The following RBPMS variants were observed in gnomAD, a reference collection of about 807,000 sequenced individuals.
The protein encoded by RBPMS is RNA binding protein, mRNA processing factor.
Under a neutral mutation model 26.8 loss-of-function variants are expected in RBPMS, and 7 were observed. The observed-to-expected ratio is 0.26, with a 90% CI of 0.15 to 0.49. The LOEUF (loss-of-function observed/expected upper bound fraction) is 0.49, where lower values mean the gene tolerates loss of function less well. Ranked by LOEUF, RBPMS falls within the 20% of genes least tolerant of loss-of-function variation. The pLI is 0.98. For synonymous variants in RBPMS, 96 were observed against 93.3 expected (o/e 1.03, Z -0.17); for missense variants, 186 against 250.0 (o/e 0.74, Z 1.73).
intron 1 of RBPMS, among the ~76,000 whole-genome samples, chr8:30,419,451 TGTGTGTGTG>T (rs1810493109): frequency 1.2e-4 from 1 of 8,064 alleles, no homozygotes. Context: ...ATCTCAAAAA[TGTGTGTGTG>T]TGTGTGTGTG....
At chr8:30,511,471 GAAAAAAAAA>G (rs1188894079) in intron 5 of RBPMS, among the ~76,000 whole-genome samples, 130 of 11,172 alleles carry the variant, frequency 0.012, no homozygotes, top group African/African-American at 0.031. Context: ...AACAAAAAAA[GAAAAAAAAA>G]AAAAAAATAT....
intron 1 of RBPMS, among the ~76,000 whole-genome samples, chr8:30,418,023 T>C (rs1810304572): frequency 6.6e-6 from 1 of 152,252 alleles, no homozygotes; most frequent in African/African-American, 2.4e-5. Flanking sequence ...GAACAACTTA[T>C]GTGCTGTTTA....
chr8:30,444,751 T>C (rs1243310738), intron 1 of RBPMS: 1 of 152,222 alleles, frequency 6.6e-6, no homozygotes, highest in East Asian at 1.9e-4. Flanking sequence ...ATGTTCCTCC[T>C]CACTCCATCT....
At chr8:30,514,115 G>C (rs56100334) in intron 5 of RBPMS, among the ~76,000 whole-genome samples, 37,302 of 152,126 alleles carry the variant, frequency 0.25, 4,918 homozygotes, top group East Asian at 0.4. Context: ...TTAGTAAAAA[G>C]TGTGCAGCAG....
intron 1 of RBPMS, among the ~76,000 whole-genome samples, chr8:30,469,873 T>A (rs1359780929): frequency 2.0e-5 from 3 of 152,178 alleles, no homozygotes; most frequent in South Asian, 2.1e-4. Flanking sequence ...GGGGTTTTTT[T>A]AGTTACTTTG....
At chr8:30,533,023 C>T (rs1234881554) in intron 5 of RBPMS, among the ~76,000 whole-genome samples, 1 of 152,204 alleles carries the variant, frequency 6.6e-6, no homozygotes, top group African/African-American at 2.4e-5. Context: ...TGAAGACAAA[C>T]AGTTGTTAAC....
At chr8:30,450,940 C>A (rs1225571097) in intron 1 of RBPMS, among the ~76,000 whole-genome samples, 1 of 152,000 alleles carries the variant, frequency 6.6e-6, no homozygotes, top group Non-Finnish European at 1.5e-5. Flanking sequence ...AAAAATCCTA[C>A]AATGTATATT....
At chr8:30,417,249 T>C (rs1214644903) in intron 1 of RBPMS, among the ~76,000 whole-genome samples, 1 of 152,244 alleles carries the variant, frequency 6.6e-6, no homozygotes, top group Non-Finnish European at 1.5e-5. Context: ...AAACCAAATA[T>C]ATCACGATGA....
intron 5 of RBPMS, among the ~76,000 whole-genome samples, chr8:30,530,646 G>C (rs1824111901): frequency 6.6e-6 from 1 of 152,046 alleles, no homozygotes. Context: ...ATTTTTAGTA[G>C]AGACGGGGTT....
intron 6 of RBPMS, among the ~76,000 whole-genome samples, chr8:30,545,796 C>T (rs536997650): frequency 1.3e-5 from 2 of 152,132 alleles, no homozygotes; most frequent in Non-Finnish European, 2.9e-5. Context: ...ATTGATGACC[C>T]GGCTTCCTGG....
chr8:30,486,611 C>T (rs751058788), intron 4 of RBPMS, among the ~76,000 whole-genome samples: 2 of 150,042 alleles, frequency 1.3e-5, no homozygotes, highest in South Asian at 4.2e-4. Context: ...CCAGCCTGGG[C>T]GATGGAGTGA....
chr8:30,423,824 G>GTTCT (rs1554510204), intron 1 of RBPMS, among the ~76,000 whole-genome samples: 4 of 133,396 alleles, frequency 3.0e-5, no homozygotes, highest in African/African-American at 1.2e-4. Context: ...TGGGTTTTTT[G>GTTCT]TTTTTTTTGT....
In RBPMS at chr8:30,529,429, G is replaced by C. The variant is rs140034562; in HGVS notation, c.398-15065G>C. Reference sequence around the variant, plus strand: ...AGGCAGGAGAATCGCTTGAACCTGGGAGGCGGAGGTTGCAGTGAGCTGAGA... The same window carrying C: ...AGGCAGGAGAATCGCTTGAACCTGGCAGGCGGAGGTTGCAGTGAGCTGAGA... On this transcript the variant is annotated intron_variant, in intron 5 of 8. Transcript: ENST00000397323. Among the ~76,000 whole-genome samples the C allele has an allele frequency of 3.3e-3, 509 of 152,090 alleles. 2 individuals carry two copies. The highest frequency in any genetic ancestry group is 6.5e-3 in the Non-Finnish European group (439 of 67,996).
chr8:30,441,182 CTT>C (rs1167710544), intron 1 of RBPMS, among the ~76,000 whole-genome samples: 1 of 152,138 alleles, frequency 6.6e-6, no homozygotes, highest in African/African-American at 2.4e-5. Flanking sequence ...GATGAAATAA[CTT>C]TGAGCACCTG....
chr8:30,431,094 G>C (rs1342451066), intron 1 of RBPMS, among the ~76,000 whole-genome samples: 2 of 152,158 alleles, frequency 1.3e-5, no homozygotes, highest in Non-Finnish European at 2.9e-5. Flanking sequence ...GGAAGATGTG[G>C]GGTTGCAGTG....
intron 4 of RBPMS, among the ~76,000 whole-genome samples, chr8:30,488,758 G>A (rs1447415207): frequency 6.6e-6 from 1 of 152,170 alleles, no homozygotes; most frequent in African/African-American, 2.4e-5. Context: ...TGATGTTAGG[G>A]TAGTTTTATG....
At position 30,384,619 on chromosome 8, in the gene RBPMS, C is replaced by A; in HGVS notation, c.-474C>A. 1 of 158,122 alleles carries A rather than the reference C, an allele frequency of 6.3e-6. No homozygotes were observed. Among genetic ancestry groups the A allele is most frequent in the South Asian group, 1.9e-4 (1 of 5,268 alleles). The allele number at this position is 158,122 out of a possible 1,614,324, so 9.8% of individuals were successfully genotyped here. A position where few individuals can be genotyped will look rare whatever the true frequency, so the allele number is the denominator to read the frequency against. The stretch of plus-strand genomic sequence containing the variant: ...GCGGCCCGCGCTCCTCCGCCCCGCT[C>A]CTCCTCCTCCTCTTCCTCCTCCTCC... On this transcript the variant is annotated 5_prime_UTR_variant, in exon 1 of 9. Transcript: ENST00000397323. This position sits in a 1 kb window ranked among gnomAD's most constrained non-coding sequence, Gnocchi z 5.6.
rs149002209 is a variant in RBPMS, at chr8:30,542,893, C to G, written c.398-1601C>G. On this transcript the variant is annotated intron_variant, in intron 5 of 8. Transcript: ENST00000397323. ...CTTGGGCTACAGGCACCTACACACC[C>G]TAGAACACAGTAGATGCTGTGGACC... 4.6e-5 allele frequency among the ~76,000 whole-genome samples: 7 copies of G among 152,310 alleles called. 2 individuals are homozygous for G. The highest frequency in any genetic ancestry group is 1.7e-4 in the African/African-American group (7 of 41,556).
intron 4 of RBPMS, among the ~76,000 whole-genome samples, chr8:30,483,916 AC>A (rs1339506421): frequency 2.8e-4 from 43 of 152,156 alleles, no homozygotes; most frequent in African/African-American, 9.2e-4. Context: ...TGTGGCATTT[AC>A]CAGAATCAAA....
Sources: gnomAD v4.1 joint callset for allele counts (sites outside exome capture counted in the v4.1 genomes callset) on GRCh38, gnomAD v4.1.1 for gene constraint, Gnocchi (gnomAD v3.1) non-coding constraint, MANE v1.5 for transcripts, NCBI Gene and HGNC (gene_info 2026-07-23, HGNC 2026-07-21) for gene names.